Variants in MED13 observed in about 807,000 individuals in gnomAD.
MED13 encodes mediator complex subunit 13, also known as mediator of RNA polymerase II transcription subunit 13.
Under a neutral mutation model 225.2 loss-of-function variants are expected in MED13, and 23 were observed. The ratio of observed to expected loss-of-function variants is 0.10; its 90% CI spans 0.07 to 0.14. The LOEUF (loss-of-function observed/expected upper bound fraction) is 0.14. MED13 is among the 10% of genes least tolerant of loss of function. The pLI, the probability that MED13 is intolerant of heterozygous loss-of-function variation, is 1.00. For missense variants in MED13, 2,197 were observed against 2,594.5 expected (o/e 0.85, Z 3.33); for synonymous variants, 942 against 889.2 (o/e 1.06, Z -1.06).
intron 2 of MED13, among the ~76,000 whole-genome samples, chr17:62,059,266 C>T (rs1205964385): frequency 6.6e-6 from 1 of 152,102 alleles, no homozygotes; most frequent in African/African-American, 2.4e-5. Context: ...CACAAAGGAG[C>T]TAAGGGGGTT....
chr17:62,036,820 T>A (rs2080807745), intron 3 of MED13: 1 of 152,238 alleles, frequency 6.6e-6, no homozygotes, highest in South Asian at 2.1e-4. Flanking sequence ...AAGTTACAAA[T>A]GTAACTGACA....
At chr17:62,034,034 A>G in intron 4 of MED13, 50 bp from the exon 5 acceptor site, 1 of 1,492,698 alleles carries the variant, frequency 6.7e-7, no homozygotes, top group South Asian at 1.2e-5. Context: ...CTGTTTTACC[A>G]AATAAGAACA....
intron 11 of MED13, among the ~76,000 whole-genome samples, chr17:61,992,260 G>C (rs1479455039): frequency 1.3e-5 from 2 of 152,032 alleles, no homozygotes; most frequent in Non-Finnish European, 1.5e-5. Context: ...CAGTAGAAGG[G>C]GGTGAGAAAT....
At chr17:61,963,202 CAAAAAAAAAAAAAAAA>C (rs11290002) in intron 20 of MED13, among the ~76,000 whole-genome samples, 4 of 55,788 alleles carry the variant, frequency 7.2e-5, no homozygotes, top group Non-Finnish European at 1.2e-4. Context: ...TTAAATTTAC[CAAAAAAAAAAAAAAAA>C]AAAAAAAAAA....
At chr17:62,022,947 C>T (rs1015158744) in intron 8 of MED13, among the ~76,000 whole-genome samples, 2 of 151,512 alleles carry the variant, frequency 1.3e-5, no homozygotes, top group Admixed American at 1.3e-4. Flanking sequence ...GAGTTTGAGG[C>T]TATAATGAGC....
rs1173449587 is a variant in MED13, at chr17:61,997,679, T to G, written c.1968-2314A>C. Among the ~76,000 whole-genome samples, 10 of 152,116 alleles carry G rather than the reference T, an allele frequency of 6.6e-5. 1 individual carries two copies. Among genetic ancestry groups the G allele is most frequent in the Non-Finnish European group, 1.5e-4 (10 of 67,998 alleles). ...AGTGGCAAAGTCAGAAATGAAAAGA[T>G]TTTAAGTATTTATATTCAAATAACT... On this transcript the variant is annotated intron_variant, in intron 9 of 29. Transcript: ENST00000397786.
At chr17:62,005,128 C>T (rs1173099926) in intron 9 of MED13, 3 of 152,142 alleles carry the variant, frequency 2.0e-5, no homozygotes, top group African/African-American at 7.2e-5. Context: ...CTCCTGACTT[C>T]AGGTGATCCA....
intron 2 of MED13, among the ~76,000 whole-genome samples, chr17:62,060,378 T>C (rs372334547): frequency 7.4e-4 from 113 of 152,090 alleles, no homozygotes; most frequent in African/African-American, 2.5e-3. Flanking sequence ...ATCCCAGCAG[T>C]TTGGGAGGCC....
Position 62,050,360 on chromosome 17 carries a change from G to GAAA in MED13, c.470+2174_470+2176dup, listed in dbSNP as rs555050127. 8.6e-4 allele frequency among the ~76,000 whole-genome samples: 88 copies of GAAA among 102,180 alleles called. 1 individual carries two copies. In the East Asian group the frequency reaches 0.022, roughly 25 times the overall value. The allele number at this position is 102,180 out of a possible 152,430, so 67.0% of individuals were successfully genotyped here. On this transcript the variant is annotated intron_variant, in intron 3 of 29. Transcript: ENST00000397786. ...GCAACAAGAGTGAAACTCCGTATCAGAAAAAAAAAAAAAAGGAAAAGGAGA... is the reference window on the plus strand; with the variant it reads ...GCAACAAGAGTGAAACTCCGTATCAGAAAAAAAAAAAAAAAAAGGAAAAGGAGA...
chr17:61,984,455 T>A, intron 14 of MED13, 88 bp from the exon 15 acceptor site: 1 of 1,061,652 alleles, frequency 9.4e-7, no homozygotes, highest in Middle Eastern at 2.2e-4. Context: ...CTTTTTTCCT[T>A]TCTTTAAACA....
chr17:61,982,249 C>T lies in MED13; in HGVS notation c.3754G>A (p.Asp1252Asn). The change falls in exon 16 of 30, where the codon GAT becomes AAT. Residue 1252 changes from aspartate (D) to asparagine (N), a missense_variant. Around this residue, in one of 12 missense-constraint regions of MED13, gnomAD observed 203 missense variants for 209.7 expected, o/e 0.97. Transcript: ENST00000397786. ...CATGAACTTTTCACAAGTGCTTCATCAACTTTTCCTCCTGACATGTTATCC... is the reference window on the plus strand; with the variant it reads ...CATGAACTTTTCACAAGTGCTTCATTAACTTTTCCTCCTGACATGTTATCC... ...FMDNMSGGKV[D>N]EALVKSSCLH... 6.2e-7 allele frequency: 1 copy of T among 1,614,124 alleles called. No individual in the cohort carries two copies. The highest frequency in any genetic ancestry group is 8.5e-7 in the Non-Finnish European group (1 of 1,180,010).
chr17:61,960,988 A>C lies in MED13; in HGVS notation c.5359T>G (p.Tyr1787Asp). ...GETFGEAGQK[Y>D]NVLFVGYCLS... is the part of the protein sequence containing the mutation. Reference sequence around the variant, plus strand: ...CAGTATCCCACAAAAAGAACATTATATTTCTGTCCAGCTTCTCCAAATGTT... The same window carrying C: ...CAGTATCCCACAAAAAGAACATTATCTTTCTGTCCAGCTTCTCCAAATGTT... The change falls in exon 23 of 30, where the codon TAT (tyrosine) becomes GAT (aspartate). Residue 1787 changes from tyrosine to aspartate, a missense_variant. Around this residue, in one of 12 missense-constraint regions of MED13, gnomAD observed 78 missense variants for 82.1 expected, o/e 0.95. Coordinates refer to ENST00000397786, the MANE Select transcript of MED13 (RefSeq NM_005121.3). The C allele has an allele frequency of 6.2e-7, 1 of 1,613,930 alleles. No individual in the cohort carries two copies. Among genetic ancestry groups the C allele is most frequent in the African/African-American group, 1.3e-5 (1 of 75,042 alleles).
chr17:62,003,660 C>CTAG (rs1286839482), intron 9 of MED13: 1 of 136,498 alleles, frequency 7.3e-6, no homozygotes, highest in East Asian at 2.4e-4. Context: ...ATTTCAGTAA[C>CTAG]TAGTATAACC....
In MED13 at chr17:62,031,495, T is replaced by C. The variant is rs745772634; in HGVS notation, c.958A>G (p.Met320Val). 28 of 1,613,684 alleles carry C rather than the reference T, an allele frequency of 1.7e-5. No individual in the cohort carries two copies. The highest frequency in any genetic ancestry group is 2.2e-5 in the South Asian group (2 of 91,054). ...GGTGGTGTAAGCGTAACCGAAGACA[T>C]AGCAGGATCTCTTGTGGAAGCAGGC... Reference protein sequence around the residue: ...QVPASTRDPAMSSVTLTPPTS... With the variant: ...QVPASTRDPAVSSVTLTPPTS... The change falls in exon 6 of 30, where the codon ATG becomes GTG. Residue 320 changes from methionine to valine, a missense_variant. Transcript: ENST00000397786.
chr17:61,993,808 G>A (rs376913986), intron 10 of MED13, among the ~76,000 whole-genome samples: 1 of 151,960 alleles, frequency 6.6e-6, no homozygotes, highest in East Asian at 2.0e-4. Flanking sequence ...GCGCATGCCT[G>A]TAATCTCAGC....
rs372310891 is a variant in MED13, at chr17:61,971,596, G to A, written c.3967+1131C>T. ...GATTACAGGCGTGAGCCACCACGCC[G>A]GCTACCATCTTAGTTTTTAAAATAA... On this transcript the variant is annotated intron_variant, in intron 17 of 29. Transcript: ENST00000397786. Among the ~76,000 whole-genome samples the A allele has an allele frequency of 6.2e-4, 95 of 152,110 alleles. 1 individual carries two copies. In the South Asian group the frequency reaches 0.017, roughly 27 times the overall value.
chr17:62,016,281 G>A (rs754366440), intron 8 of MED13, among the ~76,000 whole-genome samples: 2 of 150,414 alleles, frequency 1.3e-5, no homozygotes, highest in South Asian at 2.1e-4. Flanking sequence ...CGCGATTAGC[G>A]CTCACTACAG....
chr17:61,975,715 T>C (rs1207244824), intron 16 of MED13, among the ~76,000 whole-genome samples: 1 of 151,936 alleles, frequency 6.6e-6, no homozygotes, highest in Admixed American at 6.6e-5. Flanking sequence ...AGTGAGACTC[T>C]GTCTCAAAAC....
intron 12 of MED13, among the ~76,000 whole-genome samples, chr17:61,985,812 C>A (rs2080242815): frequency 6.6e-6 from 1 of 152,214 alleles, no homozygotes; most frequent in South Asian, 2.1e-4. Context: ...TAATCAATCA[C>A]TCACCTATCT....
Sources: allele counts gnomAD v4.1 joint callset (sites outside exome capture counted in the v4.1 genomes callset), GRCh38; gene constraint gnomAD v4.1.1; regional missense constraint gnomAD v4.1.1; transcripts MANE v1.5; gene names NCBI Gene and HGNC (gene_info 2026-07-23, HGNC 2026-07-21).